Variants in GNAO1 observed in about 807,000 individuals in gnomAD.
GNAO1 encodes guanine nucleotide-binding protein G(o) subunit alpha.
For missense variants in GNAO1, 166 were observed against 478.7 expected (o/e 0.35, Z 6.10); for synonymous variants, 164 against 180.7 (o/e 0.91, Z 0.74).
At chr16:56,346,947 C>T (rs2037876064) in intron 6 of GNAO1, 3 of 985,386 alleles carry the variant, frequency 3.0e-6, no homozygotes, top group Non-Finnish European at 2.4e-6. Flanking sequence ...CAGTGGGGAG[C>T]TTAGCCCCTG....
Position 56,300,008 on chromosome 16 carries a change from C to CGTGTGTGTGTGTGTGTGTGT in GNAO1, c.303+23946_303+23965dup, listed in dbSNP as rs71381116. ...CAGAAATGGAAGGCAGATTGGGGTT[C>CGTGTGTGTGTGTGTGTGTGT]GTGTGTGTGTGTGTGTGTGTGTGTG... On this transcript the variant is annotated intron_variant, in intron 3 of 8. Coordinates refer to ENST00000262493, the MANE Select transcript of GNAO1 (RefSeq NM_020988.3). Among the ~76,000 whole-genome samples, 739 of 129,552 alleles carry CGTGTGTGTGTGTGTGTGTGT rather than the reference C, an allele frequency of 5.7e-3. 3 individuals are homozygous for CGTGTGTGTGTGTGTGTGTGT. The highest frequency in any genetic ancestry group is 0.016 in the Middle Eastern group (4 of 250). 85.0% of individuals were successfully genotyped at this position (129,552 alleles called of 152,430 possible). A position where few individuals can be genotyped will look rare whatever the true frequency, so the allele number is the denominator to read the frequency against.
chr16:56,256,205 G>A (rs1451039029), intron 2 of GNAO1, among the ~76,000 whole-genome samples: 2 of 152,138 alleles, frequency 1.3e-5, no homozygotes, highest in African/African-American at 4.8e-5. Flanking sequence ...ATTGAGGCAG[G>A]TGAGCCACCA....
chr16:56,289,036 G>T (rs992328396), intron 3 of GNAO1, among the ~76,000 whole-genome samples: 32 of 150,776 alleles, frequency 2.1e-4, no homozygotes, highest in African/African-American at 3.4e-4. Flanking sequence ...CCAAAAAAGG[G>T]GGGGGGAGCG....
intron 6 of GNAO1, chr16:56,340,695 T>C: frequency 1.4e-6 from 1 of 737,980 alleles, no homozygotes; most frequent in South Asian, 1.6e-5. Flanking sequence ...CCCGTCTCCG[T>C]CCTGGTGGTC....
chr16:56,228,611 C>T (rs527827456), intron 2 of GNAO1, among the ~76,000 whole-genome samples: 1 of 152,198 alleles, frequency 6.6e-6, no homozygotes, highest in Non-Finnish European at 1.5e-5. Context: ...GGCCCTGAGC[C>T]GGGACCAGGA....
At chr16:56,314,772 T>C (rs918595913) in intron 3 of GNAO1, among the ~76,000 whole-genome samples, 3 of 152,158 alleles carry the variant, frequency 2.0e-5, no homozygotes, top group Admixed American at 2.0e-4. Context: ...AGTTTTGTTA[T>C]GAAAATAGTT....
Position 56,311,335 on chromosome 16 carries a change from G to T in GNAO1, c.304-17296G>T, listed in dbSNP as rs1228812264. Among the ~76,000 whole-genome samples, 1 of 152,034 alleles carries T rather than the reference G, an allele frequency of 6.6e-6. No homozygotes were observed. ...GTGCCAACCTGAGCTGGTTCCCCCTGCCCCCACTGGGTTAGGAGCTGCAGT... is the reference window on the plus strand; with the variant it reads ...GTGCCAACCTGAGCTGGTTCCCCCTTCCCCCACTGGGTTAGGAGCTGCAGT... On this transcript the variant is annotated intron_variant, in intron 3 of 8. Coordinates refer to ENST00000262493, the MANE Select transcript of GNAO1 (RefSeq NM_020988.3). The surrounding 1 kb of genome is among the most constrained non-coding windows in gnomAD (Gnocchi z 5.2).
intron 2 of GNAO1, among the ~76,000 whole-genome samples, chr16:56,231,538 C>T (rs2036588695): frequency 6.6e-6 from 1 of 152,140 alleles, no homozygotes; most frequent in African/African-American, 2.4e-5. Context: ...GGCATGTTCT[C>T]TGTGAGCGGG....
chr16:56,205,509 G>A (rs926196864), intron 2 of GNAO1, among the ~76,000 whole-genome samples: 1 of 152,194 alleles, frequency 6.6e-6, no homozygotes, highest in Non-Finnish European at 1.5e-5. Flanking sequence ...TGGTAGAATG[G>A]TGATGTGTGG....
At chr16:56,203,990 G>A (rs2036303558) in intron 2 of GNAO1, among the ~76,000 whole-genome samples, 2 of 152,206 alleles carry the variant, frequency 1.3e-5, no homozygotes, top group South Asian at 4.1e-4. Flanking sequence ...GGAGGCCAGA[G>A]ATGAGGCTTT....
At chr16:56,277,775 C>CCACACA (rs1596837424) in intron 3 of GNAO1, among the ~76,000 whole-genome samples, 1 of 83,546 alleles carries the variant, frequency 1.2e-5, no homozygotes, top group Non-Finnish European at 2.4e-5. Context: ...GGCACACCCC[C>CCACACA]TACACACACA....
At chr16:56,330,401 G>T (rs1302426746) in intron 4 of GNAO1, among the ~76,000 whole-genome samples, 1 of 152,062 alleles carries the variant, frequency 6.6e-6, no homozygotes, top group Non-Finnish European at 1.5e-5. Flanking sequence ...GCCCAAATCT[G>T]TCTTCTAGTG....
intron 2 of GNAO1, among the ~76,000 whole-genome samples, chr16:56,205,223 C>T (rs1038763395): frequency 6.6e-6 from 1 of 152,162 alleles, no homozygotes; most frequent in Non-Finnish European, 1.5e-5. Flanking sequence ...TGACGCTGTT[C>T]CACAGGGAGA....
intron 6 of GNAO1, among the ~76,000 whole-genome samples, chr16:56,348,972 G>C (rs1299650403): frequency 6.6e-6 from 1 of 152,226 alleles, no homozygotes; most frequent in African/African-American, 2.4e-5. Context: ...AGCTCTCGGA[G>C]AGCAGGAGCC....
intron 6 of GNAO1, among the ~76,000 whole-genome samples, chr16:56,349,394 C>G (rs2037901308): frequency 6.6e-6 from 1 of 152,200 alleles, no homozygotes; most frequent in East Asian, 1.9e-4. Context: ...CAGAGCCTCA[C>G]CACTCTGGCC....
intron 2 of GNAO1, among the ~76,000 whole-genome samples, chr16:56,261,323 C>T (rs1378030258): frequency 1.3e-5 from 2 of 152,172 alleles, no homozygotes; most frequent in Admixed American, 1.3e-4. Flanking sequence ...TAAAATGGTC[C>T]ACCATCTGGG....
intron 6 of GNAO1, chr16:56,344,419 C>G (rs778967222): frequency 3.0e-6 from 3 of 1,006,578 alleles, no homozygotes; most frequent in Non-Finnish European, 3.6e-6. Flanking sequence ...GCAGTTCCGT[C>G]AACAAAAGCC....
chr16:56,254,684 G>A (rs1274846152), intron 2 of GNAO1, among the ~76,000 whole-genome samples: 3 of 151,938 alleles, frequency 2.0e-5, no homozygotes, highest in Non-Finnish European at 4.4e-5. Context: ...TGATGTACTG[G>A]ATTTTATTTC....
chr16:56,217,107 T>C (rs1193453665), intron 2 of GNAO1, among the ~76,000 whole-genome samples: 2 of 152,252 alleles, frequency 1.3e-5, no homozygotes, highest in Non-Finnish European at 2.9e-5. Flanking sequence ...CTTCATGTCC[T>C]GGCTATATTT....
Sources: allele counts gnomAD v4.1 joint callset (sites outside exome capture counted in the v4.1 genomes callset), GRCh38; gene constraint gnomAD v4.1.1; non-coding constraint Gnocchi (gnomAD v3.1); transcripts MANE v1.5; gene names NCBI Gene and HGNC (gene_info 2026-07-23, HGNC 2026-07-21).